The following CC2D2B variants were observed in gnomAD, a reference collection of about 807,000 sequenced individuals.
The protein encoded by CC2D2B is protein CC2D2B.
CC2D2B carries 128 observed loss-of-function variants against 161.2 expected under a neutral mutation model. The ratio of observed to expected loss-of-function variants is 0.79; its 90% CI spans 0.69 to 0.92. The LOEUF (loss-of-function observed/expected upper bound fraction) is 0.92. Among genes scored for constraint, CC2D2B ranks in the 40% least tolerant of loss-of-function variants. The pLI is 0.00. For synonymous variants in CC2D2B, 391 were observed against 449.8 expected (o/e 0.87, Z 1.65); for missense variants, 1,173 against 1,375.1 (o/e 0.85, Z 2.32).
Position 95,955,397 on chromosome 10 carries a change from A to C in CC2D2B, c.1015A>C (p.Lys339Gln). 3 of 398,292 alleles carry C rather than the reference A, an allele frequency of 7.5e-6. No homozygotes were observed. The highest frequency in any genetic ancestry group is 1.3e-5 in the Non-Finnish European group (3 of 225,558). 24.7% of individuals were successfully genotyped at this position (398,292 alleles called of 1,614,324 possible). A position where few individuals can be genotyped will look rare whatever the true frequency, so the allele number is the denominator to read the frequency against. Reference sequence around the variant, plus strand: ...AGCTCTTTTTTTTTTGTTATAGCTGAAAGCACTGACAGATGCTACCAAATT... The same window carrying C: ...AGCTCTTTTTTTTTTGTTATAGCTGCAAGCACTGACAGATGCTACCAAATT... The part of the protein sequence containing the change: ...NVSQLLYEKL[K>Q]ALTDATKLSN... Residue 339 changes from lysine (K) to glutamine (Q), a missense_variant, in exon 11 of 35, where the codon AAA becomes CAA. Coordinates refer to ENST00000646931, the MANE Select transcript of CC2D2B (RefSeq NM_001349008.3).
chr10:95,965,383 GTAA>G, intron 12 of CC2D2B, among the ~76,000 whole-genome samples: 1 of 152,074 alleles, frequency 6.6e-6, no homozygotes, highest in Non-Finnish European at 1.5e-5. Flanking sequence ...AGTAGTAGTA[GTAA>G]TAGTAGTAGT....
At chr10:95,942,386 A>T (rs1048974766) in intron 9 of CC2D2B, among the ~76,000 whole-genome samples, 1 of 152,100 alleles carries the variant, frequency 6.6e-6, no homozygotes, top group Non-Finnish European at 1.5e-5. Flanking sequence ...CTTTTTAAAA[A>T]ATTCTTTTTT....
intron 2 of CC2D2B, chr10:95,921,051 C>T (rs1019710124): frequency 1.3e-5 from 2 of 152,442 alleles, no homozygotes; most frequent in Non-Finnish European, 1.5e-5. Flanking sequence ...CACCCTGAGT[C>T]CACTGGCTGT....
chr10:95,917,837 G>A (rs1292407522), intron 2 of CC2D2B, among the ~76,000 whole-genome samples: 2 of 152,162 alleles, frequency 1.3e-5, no homozygotes, highest in African/African-American at 2.4e-5. Context: ...GAGTGCAGCA[G>A]CATGGTCTCG....
At chr10:96,019,945 T>A in intron 32 of CC2D2B, 121 bp downstream of exon 32, 1 of 948,360 alleles carries the variant, frequency 1.1e-6, no homozygotes, top group Non-Finnish European at 1.5e-6. Flanking sequence ...TTGGCAATAT[T>A]AATTTAAAAA....
chr10:95,949,657 T>G (rs1407236676), intron 9 of CC2D2B, among the ~76,000 whole-genome samples: 3 of 99,102 alleles, frequency 3.0e-5, no homozygotes, highest in Non-Finnish European at 7.0e-5. Flanking sequence ...TAGAGTATAA[T>G]AAAAAAAAAA....
At position 95,965,903 on chromosome 10, in the gene CC2D2B, A is replaced by G. The variant is rs1296778080; in HGVS notation, c.1258A>G (p.Met420Val). The part of the protein sequence containing the change: ...PIKLQVQRIK[M>V]NKCDEQEQIS... The stretch of plus-strand genomic sequence containing the variant: ...CTGTTTATTATTAATTAGGATTAAA[A>G]TGAATAAATGTGATGAACAAGAGCA... Residue 420 changes from methionine to valine, a missense_variant, in exon 13 of 35, where the codon ATG becomes GTG. Met to Val is a conservative substitution (Grantham distance 21). Coordinates refer to ENST00000646931, the MANE Select transcript of CC2D2B (RefSeq NM_001349008.3). 7 of 1,160,756 alleles carry G rather than the reference A, an allele frequency of 6.0e-6. No homozygotes were observed. Among genetic ancestry groups the G allele is most frequent in the Non-Finnish European group, 7.6e-6 (7 of 923,422 alleles). 71.9% of individuals were successfully genotyped at this position (1,160,756 alleles called of 1,614,324 possible). A position where few individuals can be genotyped will look rare whatever the true frequency, so the allele number is the denominator to read the frequency against.
chr10:95,988,343 G>GT lies in CC2D2B; in HGVS notation c.2379+2dup, dbSNP rs2077810989. The GT allele has an allele frequency of 8.3e-7, 1 of 1,200,546 alleles. No individual in the cohort carries two copies. The highest frequency in any genetic ancestry group is 1.0e-6 in the Non-Finnish European group (1 of 958,438). The allele number at this position is 1,200,546 out of a possible 1,614,324, so 74.4% of individuals were successfully genotyped here. A position where few individuals can be genotyped will look rare whatever the true frequency, so the allele number is the denominator to read the frequency against. The stretch of plus-strand genomic sequence containing the variant: ...TAATTCTGCCAATTTTCTGAAAAAG[G>GT]TAACAACACAGTATTATCAATATAT... On this transcript the variant is annotated splice_donor_variant, in intron 20 of 34. Transcript: ENST00000646931. LOFTEE classifies it high-confidence loss of function.
intron 24 of CC2D2B, among the ~76,000 whole-genome samples, chr10:96,002,748 A>ATT (rs2078555824): frequency 6.6e-6 from 1 of 152,158 alleles, no homozygotes; most frequent in Non-Finnish European, 1.5e-5. Context: ...TTCAATCATC[A>ATT]TTGCTTGTAG....
At chr10:95,983,885 T>A (rs1029729291) in intron 19 of CC2D2B, 76 bp downstream of exon 19, 4 of 658,240 alleles carry the variant, frequency 6.1e-6, no homozygotes, top group Non-Finnish European at 8.6e-6. Flanking sequence ...TATCTTAATT[T>A]ATTTCTTTTT....
At chr10:95,923,988 T>C (rs1424702429) in intron 3 of CC2D2B, among the ~76,000 whole-genome samples, 1 of 151,794 alleles carries the variant, frequency 6.6e-6, no homozygotes, top group Non-Finnish European at 1.5e-5. Flanking sequence ...GTCACTGCAC[T>C]CCAGCCTGGG....
rs1358346683 is a variant in CC2D2B, at chr10:95,982,039, C to T, written c.2008C>T (p.Leu670Phe). The change falls in exon 18 of 35, where the codon CTT becomes TTT. Residue 670 changes from leucine (L) to phenylalanine (F), a missense_variant. Transcript: ENST00000646931. ...TCCATGGCTCATGAATGAACAGAAGCTTTTTGAATGGGCAAATGAAGTCAG... is the reference window on the plus strand; with the variant it reads ...TCCATGGCTCATGAATGAACAGAAGTTTTTTGAATGGGCAAATGAAGTCAG... The part of the protein sequence containing the change: ...GIPWLMNEQK[L>F]FEWANEVRID... 3 of 1,230,672 alleles carry T rather than the reference C, an allele frequency of 2.4e-6. No individual in the cohort carries two copies. The East Asian group carries it at 9.5e-5, about 39-fold the overall frequency. The allele number at this position is 1,230,672 out of a possible 1,614,324, so 76.2% of individuals were successfully genotyped here.
At chr10:95,947,580 A>G (rs534092677) in intron 9 of CC2D2B, among the ~76,000 whole-genome samples, 1 of 152,074 alleles carries the variant, frequency 6.6e-6, no homozygotes, top group Admixed American at 6.5e-5. Flanking sequence ...CGTCTCTACT[A>G]AAAATACAAA....
chr10:96,003,375 C>G (rs74629082), intron 24 of CC2D2B, among the ~76,000 whole-genome samples: 132 of 151,792 alleles, frequency 8.7e-4, no homozygotes, highest in African/African-American at 3.0e-3. Context: ...CCAGTTTCTG[C>G]TTGGAGAAAA....
chr10:96,019,744 T>C lies in CC2D2B; in HGVS notation c.3808T>C (p.Phe1270Leu), dbSNP rs966096162. 6.2e-6 allele frequency: 10 copies of C among 1,601,580 alleles called. 1 individual carries two copies. The Admixed American group carries it at 8.8e-5, about 14-fold the overall frequency. ...IQQNNTPMAV[F>L]FDYSKESFWK... Reference sequence around the variant, plus strand: ...ACAAAATAATACACCAATGGCTGTATTTTTTGACTATTCAAAGGAAAGTTT... The same window carrying C: ...ACAAAATAATACACCAATGGCTGTACTTTTTGACTATTCAAAGGAAAGTTT... The change falls in exon 32 of 35, where the codon TTT becomes CTT. Residue 1270 changes from phenylalanine to leucine, a missense_variant. Physicochemically the swap from Phe to Leu is conservative, Grantham distance 22 (BLOSUM62 0). Transcript: ENST00000646931.
At chr10:95,991,570 CG>C (rs2077957744) in intron 21 of CC2D2B, 109 bp downstream of exon 21, 1 of 351,802 alleles carries the variant, frequency 2.8e-6, no homozygotes, top group Non-Finnish European at 5.0e-6. Context: ...TCAAAAGATG[CG>C]GTTTCAGATC....
intron 31 of CC2D2B, 30 bp from the exon 32 acceptor site, chr10:96,019,672 T>A: frequency 6.5e-7 from 1 of 1,543,738 alleles, no homozygotes; most frequent in South Asian, 1.3e-5. Context: ...CCTATGGACC[T>A]ACACTAATGT....
Position 95,995,317 on chromosome 10 carries a change from A to G in CC2D2B, c.2691A>G (p.Arg897=), listed in dbSNP as rs1327524098. The change falls in exon 23 of 35, where the codon AGA becomes AGG. Residue 897 remains arginine (R), a synonymous_variant. Transcript: ENST00000646931. The part of the protein sequence containing the change: ...TCLKSSISCL[R]HRETIKSVAS... ...TGAAATCATCTATATCTTGCCTCAG[A>G]CATAGAGAAACAATCAAATCAGTAG... is the stretch of plus-strand genomic sequence containing the variant. The G allele has an allele frequency of 1.3e-6, 2 of 1,532,562 alleles. No homozygotes were observed. Among genetic ancestry groups the G allele is most frequent in the South Asian group, 1.2e-5 (1 of 83,358 alleles). 94.9% of individuals were successfully genotyped at this position (1,532,562 alleles called of 1,614,324 possible).
At position 96,012,404 on chromosome 10, in the gene CC2D2B, C is replaced by T. The variant is rs1048756692; in HGVS notation, c.3228+37C>T. On this transcript the variant is annotated intron_variant, in intron 27 of 34. Transcript: ENST00000646931. ...ATTGAATTTCTTTTATATATACCAT[C>T]AAAGAGGTATGAACTATTTTAAAAA... The T allele has an allele frequency of 4.3e-6, 3 of 699,754 alleles. No individual in the cohort carries two copies. In the Admixed American group the frequency reaches 7.5e-5, roughly 17 times the overall value. The allele number at this position is 699,754 out of a possible 1,614,324, so 43.3% of individuals were successfully genotyped here.
Sources: gnomAD v4.1 joint callset for allele counts (sites outside exome capture counted in the v4.1 genomes callset) on GRCh38, gnomAD v4.1.1 for gene constraint, MANE v1.5 for transcripts, NCBI Gene and HGNC (gene_info 2026-07-23, HGNC 2026-07-21) for gene names.